The following ANKRD11 variants were observed in gnomAD, a reference collection of about 807,000 sequenced individuals.
ANKRD11 encodes ankyrin repeat domain-containing protein 11.
In ANKRD11, 17 loss-of-function variants were observed where a neutral mutation model predicts 195.7. That is an observed-to-expected ratio of 0.09 (90% CI 0.06 to 0.13). The LOEUF (loss-of-function observed/expected upper bound fraction) is 0.13. ANKRD11 is among the 10% of genes least tolerant of loss of function. The pLI is 1.00. For missense variants in ANKRD11, 3,735 were observed against 3,566.1 expected, an observed-to-expected ratio of 1.05 and a Z score of -1.21; for synonymous variants, 1,953 against 1,528.1, an observed-to-expected ratio of 1.28 and a Z score of -6.49.
chr16:89,291,870 C>G lies in ANKRD11; in HGVS notation c.227-687G>C. The G allele has an allele frequency of 1.2e-6, 1 of 823,884 alleles. No homozygotes were observed. The highest frequency in any genetic ancestry group is 1.4e-5 in the South Asian group (1 of 71,742). 51.0% of individuals were successfully genotyped at this position (823,884 alleles called of 1,614,324 possible). Reference sequence around the variant, plus strand: ...CCTCGTAACAAGCACACCCTGCACTCATCTGACCCGTTACAGAACACTCGG... The same window carrying G: ...CCTCGTAACAAGCACACCCTGCACTGATCTGACCCGTTACAGAACACTCGG... On this transcript the variant is annotated intron_variant, in intron 4 of 12. Transcript: ENST00000301030. The surrounding 1 kb of genome is among the most constrained non-coding windows in gnomAD (Gnocchi z 5.3).
At chr16:89,362,969 G>A (rs1442434294) in intron 2 of ANKRD11, among the ~76,000 whole-genome samples, 10 of 151,822 alleles carry the variant, frequency 6.6e-5, no homozygotes, top group African/African-American at 1.7e-4. Context: ...TAAAAAAACC[G>A]GACACAGCGT....
intron 2 of ANKRD11, chr16:89,403,606 G>A (rs1324439428): frequency 6.6e-6 from 1 of 152,062 alleles, no homozygotes; most frequent in South Asian, 2.1e-4. Flanking sequence ...TTACATAAAA[G>A]CCCTGCTGCC....
chr16:89,440,148 T>G (rs2043383727), intron 1 of ANKRD11, among the ~76,000 whole-genome samples: 1 of 152,194 alleles, frequency 6.6e-6, no homozygotes, highest in Admixed American at 6.5e-5. Flanking sequence ...TTCCTACTTC[T>G]CCAGTCCTCA....
intron 2 of ANKRD11, among the ~76,000 whole-genome samples, chr16:89,344,537 C>T (rs1420053907): frequency 6.6e-6 from 1 of 152,204 alleles, no homozygotes. Context: ...AAATGACCCA[C>T]AAATAAAGGC....
At chr16:89,318,517 C>T (rs1334294719) in intron 2 of ANKRD11, among the ~76,000 whole-genome samples, 1 of 152,238 alleles carries the variant, frequency 6.6e-6, no homozygotes, top group Non-Finnish European at 1.5e-5. Flanking sequence ...ATTTACCCAT[C>T]TCGCTCATGC....
intron 2 of ANKRD11, among the ~76,000 whole-genome samples, chr16:89,377,390 A>G (rs573343101): frequency 4.6e-5 from 7 of 151,608 alleles, no homozygotes; most frequent in Non-Finnish European, 1.0e-4. Flanking sequence ...GCTGGAGAAA[A>G]CTATGTCTGG....
At chr16:89,345,811 T>C (rs1256798566) in intron 2 of ANKRD11, among the ~76,000 whole-genome samples, 1 of 152,080 alleles carries the variant, frequency 6.6e-6, no homozygotes, top group Non-Finnish European at 1.5e-5. Flanking sequence ...CCTCTATCAA[T>C]GCTAGGTACA....
chr16:89,348,701 T>C (rs1219239373), intron 2 of ANKRD11, among the ~76,000 whole-genome samples: 1 of 152,200 alleles, frequency 6.6e-6, no homozygotes, highest in East Asian at 1.9e-4. Context: ...AGAATTTGTC[T>C]ATTTCATCTC....
chr16:89,300,887 A>C (rs1287329791), intron 4 of ANKRD11: 1 of 702,334 alleles, frequency 1.4e-6, no homozygotes, highest in African/African-American at 1.7e-5. Flanking sequence ...TGCAGAGGGC[A>C]GGCAGCTTCG....
intron 1 of ANKRD11, among the ~76,000 whole-genome samples, chr16:89,446,265 A>G (rs1044750813): frequency 6.6e-6 from 1 of 152,164 alleles, no homozygotes; most frequent in Admixed American, 6.5e-5. Flanking sequence ...ATGAAAACAG[A>G]TGAGGTTCTC....
chr16:89,301,458 A>ACAGGGCAGGCAGAG (rs1194668519), intron 4 of ANKRD11: 33 of 398,006 alleles, frequency 8.3e-5, no homozygotes, highest in Non-Finnish European at 2.2e-5. Flanking sequence ...CCCCGGGCAG[A>ACAGGGCAGGCAGAG]CAGGGCAGGC....
chr16:89,365,033 T>C (rs544466273), intron 2 of ANKRD11, among the ~76,000 whole-genome samples: 81 of 152,252 alleles, frequency 5.3e-4, no homozygotes, highest in Non-Finnish European at 9.1e-4. Context: ...CTATGAATTC[T>C]GTTTTATAGG....
At position 89,280,743 on chromosome 16, in the gene ANKRD11, C is replaced by A. The variant is rs767084927; in HGVS notation, c.5799G>T (p.Pro1933=). The stretch of plus-strand genomic sequence containing the variant: ...CGGCGCTGAAGGGACCCTCGTCCAG[C>A]GGCTCCAGGTAGCTGGGCTCCGGGG... The part of the protein sequence containing the change: ...IIPPEPSYLE[P]LDEGPFSAVI... Residue 1933 remains proline, a synonymous_variant, in exon 9 of 13, where the codon CCG becomes CCT. Transcript: ENST00000301030. The A allele has an allele frequency of 6.2e-6, 10 of 1,613,394 alleles. No homozygotes were observed. Among genetic ancestry groups the A allele is most frequent in the Non-Finnish European group, 6.8e-6 (8 of 1,179,858 alleles).
chr16:89,300,164 CGTGGGGTCTGTGCCCTGT>C (rs1384783018), intron 4 of ANKRD11: 1 of 166,048 alleles, frequency 6.0e-6, no homozygotes, highest in African/African-American at 3.0e-5. Flanking sequence ...GTGTGGGGTG[CGTGGGGTCTGTGCCCTGT>C]GTGGGGTGCC....
In ANKRD11 at chr16:89,281,416, A is replaced by G. The variant is rs775105168; in HGVS notation, c.5126T>C (p.Val1709Ala). ...RPTGVPTPTSVLSCPSYEEVM... is the reference protein window; with the variant it reads ...RPTGVPTPTSALSCPSYEEVM... The stretch of plus-strand genomic sequence containing the variant: ...CTCCTCGTAGCTGGGGCAGGATAGC[A>G]CCGACGTAGGGGTGGGCACGCCAGT... Residue 1709 changes from valine (V) to alanine (A), a missense_variant, in exon 9 of 13, where the codon GTG (valine) becomes GCG (alanine). By Grantham distance (64) the Val-to-Ala change is moderately conservative (BLOSUM62 0). Coordinates refer to ENST00000301030, the MANE Select transcript of ANKRD11 (RefSeq NM_013275.6). The surrounding 1 kb of genome is among the most constrained non-coding windows in gnomAD (Gnocchi z 5.5). 3 of 1,611,110 alleles carry G rather than the reference A, an allele frequency of 1.9e-6. No individual in the cohort carries two copies. The East Asian group carries it at 6.7e-5, about 36-fold the overall frequency.
At chr16:89,446,098 C>T (rs1203222232) in intron 1 of ANKRD11, among the ~76,000 whole-genome samples, 1 of 150,588 alleles carries the variant, frequency 6.6e-6, no homozygotes, top group Non-Finnish European at 1.5e-5. Context: ...CTTAGAACCA[C>T]CATCTTTAAA....
intron 2 of ANKRD11, among the ~76,000 whole-genome samples, chr16:89,359,749 A>G (rs962314692): frequency 6.6e-6 from 1 of 152,228 alleles, no homozygotes; most frequent in African/African-American, 2.4e-5. Flanking sequence ...CTCAACAGCC[A>G]GCAGAAGATG....
At chr16:89,378,153 C>A (rs868268898) in intron 2 of ANKRD11, among the ~76,000 whole-genome samples, 1 of 152,098 alleles carries the variant, frequency 6.6e-6, no homozygotes, top group African/African-American at 2.4e-5. Flanking sequence ...AGTTTGAGAC[C>A]AGCCTGGGCA....
rs553374495 is a variant in ANKRD11 at position 89,427,552 on chromosome 16, T to C, written c.-144-9184A>G. Reference sequence around the variant, plus strand: ...TGGCTCACGCCTGTAATCACAGCACTTTAGGAGGCCGAGGCGGGAGGATCA... The same window carrying C: ...TGGCTCACGCCTGTAATCACAGCACCTTAGGAGGCCGAGGCGGGAGGATCA... On this transcript the variant is annotated intron_variant, in intron 1 of 12. Coordinates refer to ENST00000301030, the MANE Select transcript of ANKRD11 (RefSeq NM_013275.6). Among the ~76,000 whole-genome samples the C allele has an allele frequency of 1.7e-4, 26 of 152,294 alleles. No homozygotes were observed. In the South Asian group the frequency reaches 5.4e-3, roughly 32 times the overall value.
Sources: gnomAD v4.1 joint callset for allele counts (sites outside exome capture counted in the v4.1 genomes callset) on GRCh38, gnomAD v4.1.1 for gene constraint, Gnocchi (gnomAD v3.1) non-coding constraint, MANE v1.5 for transcripts, NCBI Gene and HGNC (gene_info 2026-07-23, HGNC 2026-07-21) for gene names.